Variants in KIF26A observed in about 807,000 individuals in gnomAD.
The protein encoded by KIF26A is kinesin-like protein KIF26A.
A neutral mutation model predicts 126.0 loss-of-function variants in KIF26A; 74 were observed. The observed-to-expected ratio is 0.59, with a 90% CI of 0.49 to 0.71. The LOEUF (loss-of-function observed/expected upper bound fraction) is 0.71, where lower values mean the gene tolerates loss of function less well. Ranked by LOEUF, KIF26A falls within the 30% of genes least tolerant of loss-of-function variation. The pLI is 0.00. For missense variants in KIF26A, 2,984 were observed against 2,763.3 expected (o/e 1.08, Z -1.79); for synonymous variants, 1,445 against 1,232.7 (o/e 1.17, Z -3.61).
rs2038094285 is a variant in KIF26A at position 104,180,751 on chromosome 14, T to G, written c.*961T>G. ...GCCAAATGCAGACGAGGGGTGAGCC[T>G]GCCAGCGTTTGCGACGTCCCCGCAC... On this transcript the variant is annotated 3_prime_UTR_variant, in exon 15 of 15. Coordinates refer to ENST00000423312, the MANE Select transcript of KIF26A (RefSeq NM_015656.2). The G allele has an allele frequency of 6.5e-6, 1 of 154,440 alleles. No homozygotes were observed. Among genetic ancestry groups the G allele is most frequent in the East Asian group, 1.9e-4 (1 of 5,166 alleles). 9.6% of individuals were successfully genotyped at this position (154,440 alleles called of 1,614,324 possible).
Position 104,179,326 on chromosome 14 carries a change from G to A in KIF26A, c.5407G>A (p.Glu1803Lys). The stretch of plus-strand genomic sequence containing the variant: ...GCAGGCCAAGCACAAGCACCTGTGT[G>A]AGGAGCTGGCCGAGACCCAGGGCCG... Reference protein sequence around the residue: ...EVQAKHKHLCEELAETQGRLM... With the variant: ...EVQAKHKHLCKELAETQGRLM... Residue 1803 changes from glutamate (E) to lysine (K), a missense_variant, in exon 14 of 15, where the codon GAG becomes AAG. Physicochemically the swap from Glu to Lys is moderately conservative, Grantham distance 56. Coordinates refer to ENST00000423312, the MANE Select transcript of KIF26A (RefSeq NM_015656.2). 1 of 1,540,964 alleles carries A rather than the reference G, an allele frequency of 6.5e-7. No homozygotes were observed.
rs371222264 is a variant in KIF26A, at chr14:104,180,140, C to A, written c.*350C>A. ...CGCCTGTCCGGGCCGGGGCTGGCGC[C>A]GGTTGTGTTTGTGTCCACCTTGCCT... On this transcript the variant is annotated 3_prime_UTR_variant, in exon 15 of 15. Transcript: ENST00000423312. 4 of 227,206 alleles carry A rather than the reference C, an allele frequency of 1.8e-5. No homozygotes were observed. Among genetic ancestry groups the A allele is most frequent in the Non-Finnish European group, 3.4e-5 (4 of 116,910 alleles). The allele number at this position is 227,206 out of a possible 1,614,324, so 14.1% of individuals were successfully genotyped here.
intron 6 of KIF26A, 131 bp downstream of exon 6, chr14:104,172,066 G>T (rs1039391045): frequency 2.9e-5 from 25 of 863,406 alleles, no homozygotes; most frequent in Non-Finnish European, 4.0e-5. Context: ...CCCGCTGCCT[G>T]CGGCGCCTGC....
chr14:104,165,429 GTGTC>G (rs1233489938), intron 4 of KIF26A, among the ~76,000 whole-genome samples: 5 of 150,832 alleles, frequency 3.3e-5, no homozygotes, highest in African/African-American at 9.9e-5. Flanking sequence ...GTATGCGTGT[GTGTC>G]TGTCTCTGTG....
chr14:104,159,765 G>A (rs1488459340), intron 4 of KIF26A, among the ~76,000 whole-genome samples: 1 of 152,198 alleles, frequency 6.6e-6, no homozygotes, highest in African/African-American at 2.4e-5. Flanking sequence ...TCAGGTTGTG[G>A]CGGGGGACAT....
intron 3 of KIF26A, among the ~76,000 whole-genome samples, chr14:104,156,637 G>C (rs779558126): frequency 6.6e-6 from 1 of 152,170 alleles, no homozygotes; most frequent in Non-Finnish European, 1.5e-5. Context: ...GTTGGGCAGG[G>C]TGAGCCCTCC....
At chr14:104,170,153 T>C (rs1371983163) in intron 5 of KIF26A, among the ~76,000 whole-genome samples, 1 of 152,210 alleles carries the variant, frequency 6.6e-6, no homozygotes, top group Admixed American at 6.5e-5. Context: ...CTAGGAAGTC[T>C]CTCAAATCTG....
chr14:104,158,112 C>T (rs1179927510), intron 4 of KIF26A, among the ~76,000 whole-genome samples, 170 bp downstream of exon 4: 5 of 152,208 alleles, frequency 3.3e-5, no homozygotes, highest in Admixed American at 6.5e-5. Flanking sequence ...CACAGCCTGC[C>T]GGCCTCTCGG....
In KIF26A at chr14:104,173,464, CA is replaced by C; in HGVS notation, c.1819del (p.Thr607ArgfsTer92). ...DARRSSHMLF[T>X]LHVYQYRMEK... Reference sequence around the variant, plus strand: ...CCCGACGCAGCTCCCACATGTTGTTCACGCTGCACGTCTACCAGTACCGCAT... The same window carrying C: ...CCCGACGCAGCTCCCACATGTTGTTCCGCTGCACGTCTACCAGTACCGCAT... On this transcript the variant is annotated frameshift_variant, in exon 9 of 15. Transcript: ENST00000423312. LOFTEE classifies it high-confidence loss of function. 2 of 1,587,294 alleles carry C rather than the reference CA, an allele frequency of 1.3e-6. No individual in the cohort carries two copies. Among genetic ancestry groups the C allele is most frequent in the Non-Finnish European group, 1.7e-6 (2 of 1,164,460 alleles).
intron 14 of KIF26A, 78 bp downstream of exon 14, chr14:104,179,464 T>C: frequency 3.5e-6 from 5 of 1,436,374 alleles, no homozygotes; most frequent in Non-Finnish European, 4.6e-6. Flanking sequence ...AGAGCCCTGT[T>C]GCTCTCCTGT....
At chr14:104,156,864 GGGC>G (rs1315792409) in intron 3 of KIF26A, among the ~76,000 whole-genome samples, 4 of 152,184 alleles carry the variant, frequency 2.6e-5, no homozygotes, top group Non-Finnish European at 4.4e-5. Context: ...AGGACGCCTC[GGGC>G]AGTGGTTATC....
chr14:104,161,032 G>A, intron 4 of KIF26A, among the ~76,000 whole-genome samples: 1 of 110,104 alleles, frequency 9.1e-6, no homozygotes, highest in East Asian at 2.2e-4. Context: ...AGAGTGCGCT[G>A]CCCGAGGCTT....
rs1426487489 is a variant in KIF26A at position 104,152,951 on chromosome 14, G to C, written c.735+490G>C. 6.6e-6 allele frequency among the ~76,000 whole-genome samples: 1 copy of C among 152,132 alleles called. No individual in the cohort carries two copies. The highest frequency in any genetic ancestry group is 1.5e-5 in the Non-Finnish European group (1 of 67,998). Reference sequence around the variant, plus strand: ...CCCCTGTGGCACCCTGGGGGCAGAGGGACATGTGGGTGGCTGTGAAGAGCC... The same window carrying C: ...CCCCTGTGGCACCCTGGGGGCAGAGCGACATGTGGGTGGCTGTGAAGAGCC... On this transcript the variant is annotated intron_variant, in intron 3 of 14. Coordinates refer to ENST00000423312, the MANE Select transcript of KIF26A (RefSeq NM_015656.2). The surrounding 1 kb of genome is among the most constrained non-coding windows in gnomAD (Gnocchi z 5.9).
chr14:104,139,853 T>C (rs1021984028), intron 2 of KIF26A, among the ~76,000 whole-genome samples: 1 of 152,166 alleles, frequency 6.6e-6, no homozygotes, highest in Non-Finnish European at 1.5e-5. Context: ...TGGCCGCCCA[T>C]GGGGAATTGA....
intron 4 of KIF26A, among the ~76,000 whole-genome samples, chr14:104,159,442 C>T (rs897717864): frequency 1.9e-4 from 29 of 152,248 alleles, no homozygotes; most frequent in Non-Finnish European, 7.3e-5. Context: ...GCTAAGCCCC[C>T]TGGTGCCAAG....
intron 6 of KIF26A, among the ~76,000 whole-genome samples, 152 bp downstream of exon 6, chr14:104,172,087 C>T (rs985116641): frequency 5.3e-5 from 8 of 152,246 alleles, no homozygotes; most frequent in South Asian, 4.1e-4. Context: ...CTGCTTACCT[C>T]CCTCATCGTC....
Position 104,157,813 on chromosome 14 carries a change from T to C in KIF26A, c.794T>C (p.Val265Ala), listed in dbSNP as rs772993579. Reference protein sequence around the residue: ...VADTVRECPPVAGPDGLSKAW... With the variant: ...VADTVRECPPAAGPDGLSKAW... ...GACACGGTCCGAGAATGCCCCCCCG[T>C]GGCCGGCCCTGATGGCTTGTCGAAG... Residue 265 changes from valine to alanine, a missense_variant, in exon 4 of 15, where the codon GTG becomes GCG. Val to Ala is a moderately conservative substitution (Grantham distance 64). Transcript: ENST00000423312. 3.1e-6 allele frequency: 5 copies of C among 1,609,742 alleles called. No homozygotes were observed. The highest frequency in any genetic ancestry group is 1.7e-5 in the Admixed American group (1 of 59,770).
In KIF26A at chr14:104,178,658, G is replaced by C. The variant is rs1479539527; in HGVS notation, c.5219G>C (p.Gly1740Ala). ...GTGGACCTGCCCCCGCCCCTGGCTGGCTCCCTGAAGGAGCCGTTCGAGATC... is the reference window on the plus strand; with the variant it reads ...GTGGACCTGCCCCCGCCCCTGGCTGCCTCCCTGAAGGAGCCGTTCGAGATC... The part of the protein sequence containing the change: ...QWVDLPPPLA[G>A]SLKEPFEIKV... The change falls in exon 13 of 15, where the codon GGC becomes GCC. Residue 1740 changes from glycine to alanine, a missense_variant. Transcript: ENST00000423312. 1 of 1,556,034 alleles carries C rather than the reference G, an allele frequency of 6.4e-7. No homozygotes were observed. Among genetic ancestry groups the C allele is most frequent in the African/African-American group, 1.4e-5 (1 of 73,210 alleles).
At chr14:104,138,981 A>G (rs1424782915) in intron 1 of KIF26A, 62 bp from the exon 2 acceptor site, 7 of 1,313,394 alleles carry the variant, frequency 5.3e-6, no homozygotes, top group East Asian at 3.1e-5. Context: ...CAGGGCGCGC[A>G]GGGGTCTGGA....
Sources: allele counts gnomAD v4.1 joint callset (sites outside exome capture counted in the v4.1 genomes callset), GRCh38; gene constraint gnomAD v4.1.1; non-coding constraint Gnocchi (gnomAD v3.1); transcripts MANE v1.5; gene names NCBI Gene and HGNC (gene_info 2026-07-23, HGNC 2026-07-21).